Variants in PTDSS2 observed in about 807,000 individuals in gnomAD.
The protein encoded by PTDSS2 is PSS-2.
Under a neutral mutation model 64.7 loss-of-function variants are expected in PTDSS2, and 41 were observed. The observed-to-expected ratio is 0.63, with a 90% confidence interval of 0.49 to 0.82. The LOEUF is 0.82. Among genes scored for constraint, PTDSS2 ranks in the 40% least tolerant of loss-of-function variants. PTDSS2 has a pLI of 0.00. For synonymous variants in PTDSS2, 297 were observed against 277.8 expected, an observed-to-expected ratio of 1.07 and a Z score of -0.69; for missense variants, 485 against 650.0, an observed-to-expected ratio of 0.75 and a Z score of 2.76.
rs1450442867 is a variant in PTDSS2, at chr11:450,431, C to T, written c.-25C>T. ...GTGTGCGTGGGGTCGAGGCGCCGGG[C>T]GGAGTGGCTCCGGGCCGAAACGCCA... is the stretch of plus-strand genomic sequence containing the variant. On this transcript the variant is annotated 5_prime_UTR_variant, in exon 1 of 12. Coordinates refer to ENST00000308020, the MANE Select transcript of PTDSS2 (RefSeq NM_030783.3). 12 of 1,222,832 alleles carry T rather than the reference C, an allele frequency of 9.8e-6. No homozygotes were observed. The Admixed American group carries it at 2.1e-4, about 22-fold the overall frequency. 75.7% of individuals were successfully genotyped at this position (1,222,832 alleles called of 1,614,324 possible). A position where few individuals can be genotyped will look rare whatever the true frequency, so the allele number is the denominator to read the frequency against.
At chr11:463,820 A>G (rs528949188) in intron 2 of PTDSS2, 1 of 152,228 alleles carries the variant, frequency 6.6e-6, no homozygotes, top group Non-Finnish European at 1.5e-5. Flanking sequence ...TGCTGGGATT[A>G]CAGGCATGAG....
At chr11:459,362 G>A (rs1270510566) in intron 1 of PTDSS2, 2 of 151,080 alleles carry the variant, frequency 1.3e-5, no homozygotes, top group African/African-American at 5.1e-5. Flanking sequence ...GTAGGACCTG[G>A]GTTAGACGTG....
At chr11:465,459 T>C (rs1489735267) in intron 2 of PTDSS2, among the ~76,000 whole-genome samples, 1 of 149,526 alleles carries the variant, frequency 6.7e-6, no homozygotes, top group Non-Finnish European at 1.5e-5. Context: ...AGATGTGAGC[T>C]ATCATGCCCA....
chr11:450,657 G>A lies in PTDSS2; in HGVS notation c.182+20G>A. The A allele has an allele frequency of 8.0e-7, 1 of 1,242,956 alleles. No individual in the cohort carries two copies. The highest frequency in any genetic ancestry group is 1.0e-6 in the Non-Finnish European group (1 of 985,896). The allele number at this position is 1,242,956 out of a possible 1,614,324, so 77.0% of individuals were successfully genotyped here. On this transcript the variant is annotated intron_variant, in intron 1 of 11. Transcript: ENST00000308020. ...CTTCTGGTGAGGGCAGTGGGCGGCC[G>A]CGGGGCGGCGAGGGTGCCCTCGACC... is the stretch of plus-strand genomic sequence containing the variant.
chr11:478,042 C>T (rs1456372879), intron 3 of PTDSS2, among the ~76,000 whole-genome samples: 5 of 152,190 alleles, frequency 3.3e-5, no homozygotes, highest in African/African-American at 1.2e-4. Context: ...GAAAACCTCA[C>T]GTCTGCACGT....
At chr11:489,770 G>C in intron 10 of PTDSS2, 37 bp downstream of exon 10, 1 of 1,593,666 alleles carries the variant, frequency 6.3e-7, no homozygotes, top group South Asian at 1.1e-5. Context: ...GACACCCCCG[G>C]GGGGCAGGGG....
chr11:489,024 G>A (rs917285183), intron 8 of PTDSS2, among the ~76,000 whole-genome samples: 5 of 152,252 alleles, frequency 3.3e-5, no homozygotes, highest in African/African-American at 7.2e-5. Context: ...CCTGGGGGAC[G>A]GGGGTCTCCC....
At chr11:449,221 C>A (rs566102856), upstream of PTDSS2, among the ~76,000 whole-genome samples, 3 of 152,346 alleles carry the variant, frequency 2.0e-5, no homozygotes, top group Non-Finnish European at 4.4e-5. Context: ...GCGCCCGCCA[C>A]AATGCCAGGG....
chr11:490,801 C>T lies in PTDSS2; in HGVS notation c.*219C>T, dbSNP rs1225618245. ...GTACGTGTGTATGCGTGTGTGTACG[C>T]GTGTGTACGCGCGTGTGTACACATG... On this transcript the variant is annotated 3_prime_UTR_variant, in exon 12 of 12. Transcript: ENST00000308020. 4.0e-5 allele frequency: 23 copies of T among 575,696 alleles called. No individual in the cohort carries two copies. Among genetic ancestry groups the T allele is most frequent in the East Asian group, 5.6e-5 (2 of 35,920 alleles). The allele number at this position is 575,696 out of a possible 1,614,324, so 35.7% of individuals were successfully genotyped here. A position where few individuals can be genotyped will look rare whatever the true frequency, so the allele number is the denominator to read the frequency against.
In PTDSS2 at chr11:481,241, G is replaced by A. The variant is rs1479206409; in HGVS notation, c.435+2089G>A. 4.6e-5 allele frequency among the ~76,000 whole-genome samples: 7 copies of A among 152,314 alleles called. No homozygotes were observed. The South Asian group carries it at 1.2e-3, about 27-fold the overall frequency. On this transcript the variant is annotated intron_variant, in intron 4 of 11. Transcript: ENST00000308020. ...CTGGACGGTTTCGAGGATTGGTCAT[G>A]ATCTAGTAGAATATCCCTCAAGTGA...
chr11:489,218 G>C, intron 8 of PTDSS2, 182 bp from the exon 9 acceptor site: 1 of 611,588 alleles, frequency 1.6e-6, no homozygotes, highest in Non-Finnish European at 2.9e-6. Context: ...CCGGGCAGCA[G>C]CTGGGTAACC....
intron 3 of PTDSS2, 54 bp downstream of exon 3, chr11:474,031 G>A (rs1847603863): frequency 1.2e-5 from 17 of 1,421,134 alleles, no homozygotes; most frequent in East Asian, 2.3e-5. Flanking sequence ...GTTCTGAGCG[G>A]CCACTCTGTG....
At position 467,468 on chromosome 11, in the gene PTDSS2, T is replaced by C. The variant is rs1212496494; in HGVS notation, c.285-6427T>C. ...ACTCTCACAGAACTAAATATAAATA[T>C]ATTCTTGGGCTGGACGTGGTGGTTC... On this transcript the variant is annotated intron_variant, in intron 2 of 11. Coordinates refer to ENST00000308020, the MANE Select transcript of PTDSS2 (RefSeq NM_030783.3). Among the ~76,000 whole-genome samples the C allele has an allele frequency of 2.6e-5, 4 of 152,144 alleles. No individual in the cohort carries two copies. The East Asian group carries it at 7.7e-4, about 29-fold the overall frequency.
intron 11 of PTDSS2, among the ~76,000 whole-genome samples, 160 bp downstream of exon 11, chr11:490,228 G>A (rs1848609498): frequency 6.6e-6 from 1 of 152,182 alleles, no homozygotes; most frequent in Non-Finnish European, 1.5e-5. Context: ...AGCCCTCGGG[G>A]CCTTCGCTCT....
intron 1 of PTDSS2, chr11:459,045 T>TCTGCCTCCATTTGC: frequency 6.8e-6 from 1 of 148,140 alleles, no homozygotes; most frequent in African/African-American, 2.6e-5. Context: ...GGACCTGGGT[T>TCTGCCTCCATTTGC]AGACGTGAGG....
chr11:477,303 C>G (rs1389752708), intron 3 of PTDSS2, among the ~76,000 whole-genome samples: 2 of 152,214 alleles, frequency 1.3e-5, no homozygotes, highest in African/African-American at 2.4e-5. Flanking sequence ...CTTCCTGGCT[C>G]CCTCTGAAGG....
At chr11:477,088 C>T (rs1307050080) in intron 3 of PTDSS2, among the ~76,000 whole-genome samples, 1 of 152,232 alleles carries the variant, frequency 6.6e-6, no homozygotes, top group Non-Finnish European at 1.5e-5. Context: ...TTCACACTCC[C>T]CTGGGTCTGG....
At chr11:450,703 G>C (rs1426011451) in intron 1 of PTDSS2, 66 bp downstream of exon 1, 4 of 1,210,754 alleles carry the variant, frequency 3.3e-6, no homozygotes, top group Non-Finnish European at 4.2e-6. Context: ...GGCACCGCTG[G>C]CCTGGGGGTC....
intron 1 of PTDSS2, among the ~76,000 whole-genome samples, chr11:452,570 G>A (rs954357737): frequency 6.6e-6 from 1 of 152,234 alleles, no homozygotes; most frequent in Non-Finnish European, 1.5e-5. Flanking sequence ...CTCTCCAGGA[G>A]CGGGTGCAGC....
Sources: allele counts gnomAD v4.1 joint callset (sites outside exome capture counted in the v4.1 genomes callset), GRCh38; gene constraint gnomAD v4.1.1; transcripts MANE v1.5; gene names NCBI Gene and HGNC (gene_info 2026-07-23, HGNC 2026-07-21).